GABBR2: variants seen among roughly 807,000 people sequenced by gnomAD.
GABBR2 encodes G-protein coupled receptor 51.
Under a neutral mutation model 105.6 loss-of-function variants are expected in GABBR2, and 23 were observed. The ratio of observed to expected loss-of-function variants is 0.22; its 90% CI spans 0.16 to 0.31. The LOEUF (loss-of-function observed/expected upper bound fraction) is 0.31, where lower values mean the gene tolerates loss of function less well. Ranked by LOEUF, GABBR2 falls within the 10% of genes least tolerant of loss-of-function variation. GABBR2 has a pLI of 1.00. For synonymous variants in GABBR2, 478 were observed against 499.7 expected (o/e 0.96, Z 0.58); for missense variants, 734 against 1,245.5 (o/e 0.59, Z 6.18).
chr9:98,359,236 T>A (rs998337124), intron 13 of GABBR2, among the ~76,000 whole-genome samples: 2 of 151,970 alleles, frequency 1.3e-5, no homozygotes, highest in African/African-American at 2.4e-5. Context: ...GAGACCAGCC[T>A]GGACAACACG....
At chr9:98,389,916 A>G (rs1400350669) in intron 9 of GABBR2, among the ~76,000 whole-genome samples, 1 of 152,076 alleles carries the variant, frequency 6.6e-6, no homozygotes, top group Admixed American at 6.5e-5. Flanking sequence ...CGGATGTTAC[A>G]AAGTAGCCAA....
intron 7 of GABBR2, 137 bp downstream of exon 7, chr9:98,453,844 A>T: frequency 1.4e-6 from 1 of 705,766 alleles, no homozygotes. Context: ...CAGCCCTGCA[A>T]TCCTAGGGCC....
intron 3 of GABBR2, among the ~76,000 whole-genome samples, chr9:98,511,786 T>G (rs1169271271): frequency 3.9e-5 from 6 of 151,928 alleles, no homozygotes; most frequent in African/African-American, 1.4e-4. Flanking sequence ...ACCAAAAAAA[T>G]TCCAGGACCA....
chr9:98,653,719 GCA>G (rs34694230), intron 1 of GABBR2, among the ~76,000 whole-genome samples: 97,269 of 150,124 alleles, frequency 0.65, 32,095 homozygotes, highest in Middle Eastern at 0.78. Flanking sequence ...GAGGTTTTCA[GCA>G]CACACACACA....
chr9:98,540,714 C>G (rs1188929666), intron 3 of GABBR2, among the ~76,000 whole-genome samples: 1 of 152,192 alleles, frequency 6.6e-6, no homozygotes, highest in Non-Finnish European at 1.5e-5. Flanking sequence ...GTTTGTTTCT[C>G]TTGGGCTGCT....
chr9:98,633,626 C>CAA (rs11301472), intron 1 of GABBR2, among the ~76,000 whole-genome samples: 1 of 84,322 alleles, frequency 1.2e-5, no homozygotes, highest in East Asian at 3.2e-4. Flanking sequence ...GACTCCATCT[C>CAA]AAAAAAAAAA....
intron 13 of GABBR2, among the ~76,000 whole-genome samples, chr9:98,321,143 CT>C (rs1376900730): frequency 6.6e-6 from 1 of 152,100 alleles, no homozygotes; most frequent in Non-Finnish European, 1.5e-5. Context: ...GGACTCGGCC[CT>C]GGGGGGTCTG....
At chr9:98,699,161 C>T (rs186798708) in intron 1 of GABBR2, among the ~76,000 whole-genome samples, 83 of 152,204 alleles carry the variant, frequency 5.5e-4, no homozygotes, top group Admixed American at 2.4e-3. Context: ...CTAAGTCCTC[C>T]GTCCACTGGT....
chr9:98,563,497 G>A (rs1356695976), intron 2 of GABBR2, among the ~76,000 whole-genome samples: 1 of 152,216 alleles, frequency 6.6e-6, no homozygotes, highest in East Asian at 1.9e-4. Flanking sequence ...TGGGCCAGAG[G>A]ATTGGGCCAA....
At chr9:98,297,747 C>T (rs1012737527) in intron 17 of GABBR2, among the ~76,000 whole-genome samples, 1 of 151,440 alleles carries the variant, frequency 6.6e-6, no homozygotes, top group African/African-American at 2.4e-5. Flanking sequence ...TGTGGCCAGG[C>T]GTGGTGGCTC....
intron 6 of GABBR2, 134 bp downstream of exon 6, chr9:98,473,012 A>C (rs1306760635): frequency 1.5e-6 from 1 of 681,088 alleles, no homozygotes; most frequent in African/African-American, 1.8e-5. Context: ...TTACAGGTAC[A>C]AGAGGCTCAG....
At chr9:98,300,957 G>A (rs759986524) in intron 16 of GABBR2, among the ~76,000 whole-genome samples, 4 of 152,116 alleles carry the variant, frequency 2.6e-5, no homozygotes, top group African/African-American at 7.2e-5. Context: ...AAAAGAACAG[G>A]GTATGAAGAT....
At chr9:98,357,960 T>G (rs1831516829) in intron 13 of GABBR2, among the ~76,000 whole-genome samples, 1 of 152,244 alleles carries the variant, frequency 6.6e-6, no homozygotes. Flanking sequence ...AAAGCCTGTT[T>G]TGGGTATTCA....
intron 1 of GABBR2, chr9:98,608,042 G>C: frequency 1.5e-6 from 2 of 1,306,162 alleles, no homozygotes; most frequent in Non-Finnish European, 2.2e-6. Flanking sequence ...TAGAGGATGA[G>C]AAAGCAAACT....
chr9:98,386,920 G>C (rs1201734260), intron 10 of GABBR2, among the ~76,000 whole-genome samples: 1 of 152,168 alleles, frequency 6.6e-6, no homozygotes, highest in East Asian at 1.9e-4. Context: ...GTGACACCTT[G>C]ACAAATCACT....
intron 8 of GABBR2, among the ~76,000 whole-genome samples, chr9:98,398,381 A>G (rs1448609332): frequency 2.0e-5 from 3 of 151,712 alleles, no homozygotes; most frequent in Non-Finnish European, 4.4e-5. Flanking sequence ...GGAGCCCCCA[A>G]GCTGGTGCTG....
intron 1 of GABBR2, among the ~76,000 whole-genome samples, chr9:98,705,232 A>G (rs939663420): frequency 1.2e-4 from 18 of 152,254 alleles, no homozygotes; most frequent in African/African-American, 4.1e-4. Flanking sequence ...GTTACACCAG[A>G]GAAGCAGAGG....
intron 1 of GABBR2, among the ~76,000 whole-genome samples, chr9:98,650,054 T>C (rs940065060): frequency 1.2e-4 from 19 of 152,234 alleles, no homozygotes; most frequent in Admixed American, 1.3e-4. Context: ...TCACAAGATA[T>C]GTTACTCATT....
At chr9:98,437,411 C>CTCCA (rs2098427354) in intron 7 of GABBR2, among the ~76,000 whole-genome samples, 2 of 151,464 alleles carry the variant, frequency 1.3e-5, no homozygotes, top group South Asian at 4.2e-4. Flanking sequence ...CCATCCATCC[C>CTCCA]TCCATCCATC....
Sources: gnomAD v4.1 joint callset for allele counts (sites outside exome capture counted in the v4.1 genomes callset) on GRCh38, gnomAD v4.1.1 for gene constraint, MANE v1.5 for transcripts, NCBI Gene and HGNC (gene_info 2026-07-23, HGNC 2026-07-21) for gene names.